VPS13A: variants seen among roughly 807,000 people sequenced by gnomAD.
VPS13A encodes intermembrane lipid transfer protein VPS13A.
A neutral mutation model predicts 390.9 loss-of-function variants in VPS13A; 264 were observed. That is an observed-to-expected ratio of 0.68 (90% confidence interval 0.61 to 0.75). VPS13A has a LOEUF of 0.75. Ranked by LOEUF, VPS13A falls within the 30% of genes least tolerant of loss-of-function variation. VPS13A has a pLI of 0.00. For missense variants in VPS13A, 3,409 were observed against 3,733.9 expected (o/e 0.91, Z 2.27); for synonymous variants, 1,231 against 1,227.1 (o/e 1.00, Z -0.07).
At chr9:77,265,136 G>T (rs1389561843) in intron 23 of VPS13A, among the ~76,000 whole-genome samples, 1 of 152,208 alleles carries the variant, frequency 6.6e-6, no homozygotes, top group East Asian at 1.9e-4. Context: ...TTGCATCTCA[G>T]AGATGAAGCC....
chr9:77,391,331 C>G (rs1833887971), intron 68 of VPS13A, among the ~76,000 whole-genome samples: 1 of 152,166 alleles, frequency 6.6e-6, no homozygotes, highest in African/African-American at 2.4e-5. Context: ...TATGAAAAGT[C>G]TATTTTTTAT....
chr9:77,356,443 A>G (rs897259421), intron 54 of VPS13A, among the ~76,000 whole-genome samples: 1 of 152,146 alleles, frequency 6.6e-6, no homozygotes, highest in African/African-American at 2.4e-5. Context: ...TATTTTGTTT[A>G]CTATTTATTT....
chr9:77,354,392 C>T (rs1247187126), intron 54 of VPS13A, among the ~76,000 whole-genome samples: 1 of 151,824 alleles, frequency 6.6e-6, no homozygotes, highest in Non-Finnish European at 1.5e-5. Context: ...TTTTTATTCT[C>T]AAAAAATGTT....
chr9:77,304,814 G>A (rs1013545629), intron 34 of VPS13A, among the ~76,000 whole-genome samples: 3 of 152,144 alleles, frequency 2.0e-5, no homozygotes, highest in Non-Finnish European at 4.4e-5. Flanking sequence ...TATGCTCTGG[G>A]AGGTTTCTTT....
At chr9:77,370,682 A>C in intron 65 of VPS13A, 104 bp downstream of exon 65, 2 of 1,527,112 alleles carry the variant, frequency 1.3e-6, no homozygotes, top group Non-Finnish European at 1.8e-6. Context: ...TTAAATTATT[A>C]TTTGGATATT....
chr9:77,405,772 A>C, intron 69 of VPS13A, 92 bp from the exon 70 acceptor site: 1 of 1,510,810 alleles, frequency 6.6e-7, no homozygotes, highest in Non-Finnish European at 9.1e-7. Flanking sequence ...TGAATATTGC[A>C]TTTGCACTTG....
intron 45 of VPS13A, among the ~76,000 whole-genome samples, chr9:77,327,437 T>G (rs1352846032): frequency 6.6e-6 from 1 of 152,132 alleles, no homozygotes; most frequent in East Asian, 1.9e-4. Context: ...GAGCAAATAG[T>G]TTTTCTAGAA....
At chr9:77,217,964 A>G (rs1402838441) in intron 10 of VPS13A, among the ~76,000 whole-genome samples, 3 of 151,810 alleles carry the variant, frequency 2.0e-5, no homozygotes, top group Non-Finnish European at 2.9e-5. Flanking sequence ...ATCCTCACCA[A>G]CATGTGTCAT....
At chr9:77,314,299 C>T (rs2131426765) in intron 36 of VPS13A, among the ~76,000 whole-genome samples, 180 bp downstream of exon 36, 1 of 152,106 alleles carries the variant, frequency 6.6e-6, no homozygotes, top group South Asian at 2.1e-4. Context: ...AGTTATCTAT[C>T]ATATAGCTAA....
At position 77,318,456 on chromosome 9, in the gene VPS13A, T is replaced by A. The variant is rs1359018721; in HGVS notation, c.5178T>A (p.Ile1726=). The A allele has an allele frequency of 6.2e-7, 1 of 1,613,680 alleles. No individual in the cohort carries two copies. Among genetic ancestry groups the A allele is most frequent in the East Asian group, 2.2e-5 (1 of 44,850 alleles). Residue 1726 remains isoleucine (I), a synonymous_variant, in exon 41 of 72, where the codon ATT becomes ATA. Transcript: ENST00000360280. ...VPKGEMIKMN[I]DSIFIVLEAG... Reference sequence around the variant, plus strand: ...AAGGCGAGATGATAAAAATGAACATTGATTCTATTTTTATAGTTCTTGAGG... The same window carrying A: ...AAGGCGAGATGATAAAAATGAACATAGATTCTATTTTTATAGTTCTTGAGG...
chr9:77,302,625 A>C (rs1193937994), intron 33 of VPS13A, among the ~76,000 whole-genome samples: 1 of 151,954 alleles, frequency 6.6e-6, no homozygotes, highest in African/African-American at 2.4e-5. Context: ...TGCCCGCCTC[A>C]GCCTCTCAAA....
chr9:77,403,447 A>G (rs1445580153), intron 69 of VPS13A, 126 bp downstream of exon 69: 1 of 803,694 alleles, frequency 1.2e-6, no homozygotes, highest in Admixed American at 2.0e-5. Context: ...TTCTTGCTCC[A>G]CAAGCCTAAC....
chr9:77,300,729 C>G (rs1587527667), intron 33 of VPS13A, among the ~76,000 whole-genome samples: 1 of 151,942 alleles, frequency 6.6e-6, no homozygotes, highest in African/African-American at 2.4e-5. Flanking sequence ...GAGACTGTCT[C>G]AAAAAAACAA....
At chr9:77,313,890 A>G in intron 35 of VPS13A, 102 bp from the exon 36 acceptor site, 1 of 1,264,474 alleles carries the variant, frequency 7.9e-7, no homozygotes, top group African/African-American at 1.5e-5. Context: ...ATGTCATTTT[A>G]CTATACCTGT....
chr9:77,326,808 C>T (rs947680100), intron 45 of VPS13A, among the ~76,000 whole-genome samples: 1 of 152,068 alleles, frequency 6.6e-6, no homozygotes, highest in Non-Finnish European at 1.5e-5. Flanking sequence ...CAGAACCAGA[C>T]TTCATTCTTC....
At chr9:77,231,857 T>G (rs1438149080) in intron 17 of VPS13A, among the ~76,000 whole-genome samples, 1 of 152,162 alleles carries the variant, frequency 6.6e-6, no homozygotes, top group Non-Finnish European at 1.5e-5. Flanking sequence ...CTCCAGTATT[T>G]TCTTCTAAGA....
rs775943072 is a variant in VPS13A, at chr9:77,311,175, C to T, written c.4115-2817C>T. 1.2e-4 allele frequency among the ~76,000 whole-genome samples: 19 copies of T among 152,066 alleles called. 1 individual carries two copies. The highest frequency in any genetic ancestry group is 2.4e-4 in the Non-Finnish European group (16 of 68,008). The stretch of plus-strand genomic sequence containing the variant: ...TCCTGACCTCGTGATCCCCCTGCCT[C>T]GGTCTCCCAAAGTGCTGGGATTACA... On this transcript the variant is annotated intron_variant, in intron 35 of 71. Transcript: ENST00000360280.
chr9:77,413,346 C>T (rs1211313861), intron 71 of VPS13A, among the ~76,000 whole-genome samples: 2 of 152,158 alleles, frequency 1.3e-5, no homozygotes, highest in Non-Finnish European at 2.9e-5. Flanking sequence ...AACTATACTA[C>T]AAGGCTACAG....
intron 67 of VPS13A, among the ~76,000 whole-genome samples, chr9:77,379,573 C>T (rs532735880): frequency 2.6e-5 from 4 of 151,880 alleles, no homozygotes; most frequent in African/African-American, 7.2e-5. Flanking sequence ...GGGGTTTCAC[C>T]ATGTTGGCCA....
Sources: allele counts gnomAD v4.1 joint callset (sites outside exome capture counted in the v4.1 genomes callset), GRCh38; gene constraint gnomAD v4.1.1; transcripts MANE v1.5; gene names NCBI Gene and HGNC (gene_info 2026-07-23, HGNC 2026-07-21).